Variants in KCNIP4 observed in about 807,000 individuals in gnomAD.
KCNIP4 encodes the protein Kv channel-interacting protein 4.
In KCNIP4, 12 loss-of-function variants were observed where a neutral mutation model predicts 34.0. The observed-to-expected ratio is 0.35, with a 90% CI of 0.23 to 0.57. The LOEUF (loss-of-function observed/expected upper bound fraction) is 0.57, where lower values mean the gene tolerates loss of function less well. Ranked by LOEUF, KCNIP4 falls within the 20% of genes least tolerant of loss-of-function variation. The probability of loss-of-function intolerance (pLI) is 0.83; values close to 1 mark genes in which losing one functional copy is unlikely to be tolerated. For synonymous variants in KCNIP4, 124 were observed against 102.2 expected, an observed-to-expected ratio of 1.21 and a Z score of -1.29; for missense variants, 238 against 311.7, an observed-to-expected ratio of 0.76 and a Z score of 1.78.
intron 1 of KCNIP4, chr4:21,853,193 G>T (rs1185948677): frequency 6.6e-6 from 1 of 152,160 alleles, no homozygotes; most frequent in African/African-American, 2.4e-5. Context: ...TCATAGGGTT[G>T]TAGTGGGGAG....
intron 1 of KCNIP4, among the ~76,000 whole-genome samples, chr4:21,250,748 C>A (rs2109076948): frequency 6.6e-6 from 1 of 152,092 alleles, no homozygotes; most frequent in Non-Finnish European, 1.5e-5. Flanking sequence ...TAGTCAACAA[C>A]TACCCTAGGA....
At chr4:21,716,015 G>T (rs2109087193) in intron 1 of KCNIP4, among the ~76,000 whole-genome samples, 1 of 152,226 alleles carries the variant, frequency 6.6e-6, no homozygotes, top group East Asian at 1.9e-4. Context: ...AAACACCTGG[G>T]ATCTAAATAA....
At chr4:21,486,108 A>G (rs1210904861) in intron 1 of KCNIP4, among the ~76,000 whole-genome samples, 1 of 152,218 alleles carries the variant, frequency 6.6e-6, no homozygotes, top group East Asian at 1.9e-4. Context: ...TCCTGGAAAC[A>G]CAGCAGCAGA....
chr4:21,801,852 A>G (rs1054691401), intron 1 of KCNIP4, among the ~76,000 whole-genome samples: 4 of 151,922 alleles, frequency 2.6e-5, no homozygotes, highest in Admixed American at 1.3e-4. Context: ...GGCCTCTTAG[A>G]CAGTGCCATA....
rs188733649 is a variant in KCNIP4 at position 21,357,523 on chromosome 4, C to G, written c.62-474814G>C. ...AGTGGGCAAAGGATATGAACAGACA[C>G]TTCTCAAAAGAAGACATTTATACAG... On this transcript the variant is annotated intron_variant, in intron 1 of 8. Transcript: ENST00000382152. 2.4e-3 allele frequency among the ~76,000 whole-genome samples: 367 copies of G among 152,266 alleles called. 1 individual carries two copies. The highest frequency in any genetic ancestry group is 7.4e-3 in the African/African-American group (307 of 41,552).
chr4:20,879,889 C>A (rs2149521124), intron 2 of KCNIP4, among the ~76,000 whole-genome samples: 1 of 152,108 alleles, frequency 6.6e-6, no homozygotes, highest in African/African-American at 2.4e-5. Flanking sequence ...ATTTTAAAAG[C>A]ATAGATAGAT....
intron 1 of KCNIP4, chr4:21,656,917 G>A (rs1202212738): frequency 6.6e-6 from 1 of 152,042 alleles, no homozygotes; most frequent in Non-Finnish European, 1.5e-5. Flanking sequence ...TCTTACATCT[G>A]AGCCTTTGCA....
At chr4:21,240,088 G>T (rs1759687059) in intron 1 of KCNIP4, among the ~76,000 whole-genome samples, 1 of 151,666 alleles carries the variant, frequency 6.6e-6, no homozygotes, top group African/African-American at 2.4e-5. Context: ...CATGGATGAA[G>T]CTGGAAACCA....
intron 1 of KCNIP4, among the ~76,000 whole-genome samples, chr4:21,924,332 C>T (rs2108999493): frequency 6.7e-6 from 1 of 148,814 alleles, no homozygotes; most frequent in Non-Finnish European, 1.5e-5. Flanking sequence ...CAAGCTCTGC[C>T]TCCCCGGTTC....
intron 1 of KCNIP4, among the ~76,000 whole-genome samples, chr4:21,175,521 A>T (rs781401852): frequency 2.0e-5 from 3 of 152,160 alleles, no homozygotes; most frequent in Admixed American, 1.3e-4. Context: ...CCTTAACTAG[A>T]CAACTTTCAC....
At chr4:21,459,664 C>G (rs1245473895) in intron 1 of KCNIP4, among the ~76,000 whole-genome samples, 1 of 152,006 alleles carries the variant, frequency 6.6e-6, no homozygotes, top group East Asian at 1.9e-4. Context: ...ATTTCTTACT[C>G]CCAAATATGC....
chr4:21,588,092 T>C (rs916677294), intron 1 of KCNIP4, among the ~76,000 whole-genome samples: 2 of 152,038 alleles, frequency 1.3e-5, no homozygotes, highest in African/African-American at 2.4e-5. Context: ...AATTATTCCA[T>C]GTGAGAGCCC....
chr4:20,892,337 C>T (rs1045619745), intron 1 of KCNIP4, among the ~76,000 whole-genome samples: 5 of 152,142 alleles, frequency 3.3e-5, no homozygotes, highest in Non-Finnish European at 7.3e-5. Context: ...ACACCTGTTT[C>T]TCATAAAATT....
chr4:20,957,177 G>A (rs1256158141), intron 1 of KCNIP4, among the ~76,000 whole-genome samples: 1 of 152,134 alleles, frequency 6.6e-6, no homozygotes, highest in African/African-American at 2.4e-5. Context: ...GACCAAGAAC[G>A]GGTACCTCGG....
intron 1 of KCNIP4, among the ~76,000 whole-genome samples, chr4:21,005,143 C>G (rs1343998313): frequency 6.6e-6 from 1 of 152,056 alleles, no homozygotes. Context: ...CTTGTAAAAA[C>G]AAACAAACAA....
chr4:21,712,299 T>A lies in KCNIP4; in HGVS notation c.61+236272A>T, dbSNP rs560445022. Among the ~76,000 whole-genome samples, 6 of 152,318 alleles carry A rather than the reference T, an allele frequency of 3.9e-5. No individual in the cohort carries two copies. The South Asian group carries it at 1.0e-3, about 26-fold the overall frequency. ...ATTTACCAAGATAGAGCTGGCTTTATTGTAAGTCAAGCAAAATGAACTGGC... is the reference window on the plus strand; with the variant it reads ...ATTTACCAAGATAGAGCTGGCTTTAATGTAAGTCAAGCAAAATGAACTGGC... On this transcript the variant is annotated intron_variant, in intron 1 of 8. Coordinates refer to ENST00000382152, the MANE Select transcript of KCNIP4 (RefSeq NM_025221.6).
At chr4:21,897,598 A>C (rs1171866740) in intron 1 of KCNIP4, among the ~76,000 whole-genome samples, 1 of 152,190 alleles carries the variant, frequency 6.6e-6, no homozygotes, top group Non-Finnish European at 1.5e-5. Flanking sequence ...GGGCAAGAAA[A>C]CTTTAAAAAA....
chr4:21,621,639 C>G (rs149663888), intron 1 of KCNIP4, among the ~76,000 whole-genome samples: 1,562 of 152,084 alleles, frequency 0.01, 24 homozygotes, highest in Admixed American at 0.019. Context: ...ATTAGAGGCA[C>G]GAGCCACCAT....
At chr4:21,063,059 C>CA (rs2108976660) in intron 1 of KCNIP4, among the ~76,000 whole-genome samples, 1 of 152,088 alleles carries the variant, frequency 6.6e-6, no homozygotes, top group East Asian at 1.9e-4. Flanking sequence ...ATTTGGACAA[C>CA]AAAAAAGACA....
Sources: allele counts gnomAD v4.1 joint callset (sites outside exome capture counted in the v4.1 genomes callset), GRCh38; gene constraint gnomAD v4.1.1; transcripts MANE v1.5; gene names NCBI Gene and HGNC (gene_info 2026-07-23, HGNC 2026-07-21).